The following UNC80 variants were observed in gnomAD, a reference collection of about 807,000 sequenced individuals.
UNC80 encodes the protein unc-80 subunit of NALCN channel complex.
UNC80 carries 164 observed loss-of-function variants against 384.6 expected under a neutral mutation model. That is an observed-to-expected ratio of 0.43 (90% CI 0.38 to 0.49). The LOEUF (loss-of-function observed/expected upper bound fraction) is 0.49. Ranked by LOEUF, UNC80 falls within the 20% of genes least tolerant of loss-of-function variation. The probability of loss-of-function intolerance (pLI) is 0.00; values close to 1 mark genes in which losing one functional copy is unlikely to be tolerated. For missense variants in UNC80, 3,330 were observed against 4,143.0 expected, an observed-to-expected ratio of 0.80 and a Z score of 5.39; for synonymous variants, 1,486 against 1,527.8, an observed-to-expected ratio of 0.97 and a Z score of 0.64.
intron 31 of UNC80, among the ~76,000 whole-genome samples, 196 bp from the exon 32 acceptor site, chr2:209,917,581 T>C (rs2089656300): frequency 6.6e-6 from 1 of 152,220 alleles, no homozygotes; most frequent in Non-Finnish European, 1.5e-5. Flanking sequence ...AATGTCATGT[T>C]GTTGCTGCCC....
At chr2:209,939,733 T>A in intron 43 of UNC80, 81 bp downstream of exon 43, 1 of 1,296,300 alleles carries the variant, frequency 7.7e-7, no homozygotes, top group Non-Finnish European at 1.0e-6. Context: ...ATTATTATTA[T>A]ACTTTAAGTT....
intron 8 of UNC80, among the ~76,000 whole-genome samples, chr2:209,814,538 G>T (rs1026839425): frequency 6.6e-6 from 1 of 152,082 alleles, no homozygotes; most frequent in Non-Finnish European, 1.5e-5. Flanking sequence ...GAGCCACCGC[G>T]CCTGGCCAAC....
intron 22 of UNC80, among the ~76,000 whole-genome samples, chr2:209,853,246 A>G (rs920701267): frequency 6.6e-6 from 1 of 152,144 alleles, no homozygotes; most frequent in Admixed American, 6.6e-5. Flanking sequence ...TGCAGCTTAA[A>G]TACAATTTTT....
intron 4 of UNC80, among the ~76,000 whole-genome samples, chr2:209,778,387 G>A (rs1013835294): frequency 2.0e-5 from 3 of 151,690 alleles, no homozygotes; most frequent in African/African-American, 7.3e-5. Context: ...GTGACAAAGC[G>A]AGACTCTGTC....
At chr2:209,951,742 T>A (rs964353028) in intron 47 of UNC80, among the ~76,000 whole-genome samples, 4 of 152,238 alleles carry the variant, frequency 2.6e-5, no homozygotes, top group Non-Finnish European at 5.9e-5. Flanking sequence ...TAAAGCTTGA[T>A]AGCTTTCAAT....
At chr2:209,805,287 T>G (rs1402588629) in intron 7 of UNC80, among the ~76,000 whole-genome samples, 1 of 152,226 alleles carries the variant, frequency 6.6e-6, no homozygotes, top group Non-Finnish European at 1.5e-5. Context: ...CAGTTCCCAA[T>G]AGTACACTCC....
chr2:209,897,011 CG>C (rs2086864428), intron 28 of UNC80, among the ~76,000 whole-genome samples: 1 of 151,990 alleles, frequency 6.6e-6, no homozygotes, highest in Non-Finnish European at 1.5e-5. Flanking sequence ...AGGACCATCA[CG>C]GGGGTCACCA....
chr2:209,921,501 A>G lies in UNC80; in HGVS notation c.5345A>G (p.Lys1782Arg). ...VQDPINEDQS[K>R]SFSARAVSRS... ...GAACTTGCCTTTATGTCTCCACAGA[A>G]ATCCTTTTCAGCCCGGGCTGTGTCC... The change falls in exon 34 of 65, where the codon AAA becomes AGA. Residue 1782 changes from lysine (K) to arginine (R), a missense_variant and splice_region_variant. Transcript: ENST00000673920. 6.5e-7 allele frequency: 1 copy of G among 1,546,218 alleles called. No homozygotes were observed. Among genetic ancestry groups the G allele is most frequent in the Non-Finnish European group, 8.7e-7 (1 of 1,145,212 alleles).
chr2:209,916,930 T>G (rs777864293), intron 31 of UNC80, among the ~76,000 whole-genome samples: 2 of 152,254 alleles, frequency 1.3e-5, no homozygotes, highest in Admixed American at 6.5e-5. Context: ...CAGGTATTAG[T>G]ATTATCATTA....
At chr2:209,849,671 C>CACTATTA (rs2082385840) in intron 22 of UNC80, 48 bp downstream of exon 22, 2 of 1,526,620 alleles carry the variant, frequency 1.3e-6, no homozygotes, top group Non-Finnish European at 8.9e-7. Flanking sequence ...TCCCAAGTAG[C>CACTATTA]ACTATTAACA....
intron 20 of UNC80, among the ~76,000 whole-genome samples, 193 bp downstream of exon 20, chr2:209,840,841 A>G (rs2081684794): frequency 6.6e-6 from 1 of 152,224 alleles, no homozygotes; most frequent in Non-Finnish European, 1.5e-5. Context: ...ATAGGAAGGG[A>G]AAAAGAAAAG....
chr2:209,824,668 AG>A (rs984831133), intron 13 of UNC80, among the ~76,000 whole-genome samples: 15 of 152,088 alleles, frequency 9.9e-5, no homozygotes, highest in African/African-American at 3.6e-4. Flanking sequence ...TGCAGTGCCA[AG>A]GGGAATATCT....
intron 7 of UNC80, among the ~76,000 whole-genome samples, chr2:209,811,105 T>C (rs1258631769): frequency 6.6e-6 from 1 of 152,126 alleles, no homozygotes; most frequent in African/African-American, 2.4e-5. Flanking sequence ...ATCAAAGTTT[T>C]TAGTTTCCTT....
At chr2:209,777,149 T>C (rs2076913583) in intron 3 of UNC80, 109 bp from the exon 4 acceptor site, 3 of 1,255,832 alleles carry the variant, frequency 2.4e-6, no homozygotes, top group Non-Finnish European at 3.3e-6. Context: ...TAGCAGTGGT[T>C]GTAAGAAGTA....
chr2:209,957,023 CA>C (rs2092443930), intron 48 of UNC80, among the ~76,000 whole-genome samples: 1 of 152,100 alleles, frequency 6.6e-6, no homozygotes, highest in South Asian at 2.1e-4. Context: ...TCCTAGATGC[CA>C]ATACAGAGGC....
At chr2:209,879,161 A>G (rs2085053564) in intron 24 of UNC80, among the ~76,000 whole-genome samples, 1 of 152,154 alleles carries the variant, frequency 6.6e-6, no homozygotes, top group Non-Finnish European at 1.5e-5. Flanking sequence ...CAACCTAATA[A>G]TGAAGGTTGG....
chr2:209,836,791 T>C (rs949284947), intron 18 of UNC80, among the ~76,000 whole-genome samples: 1 of 152,212 alleles, frequency 6.6e-6, no homozygotes, highest in African/African-American at 2.4e-5. Context: ...CTGTGTCCTC[T>C]TCCTTCTTAA....
At chr2:209,775,306 C>G (rs1398122696) in intron 2 of UNC80, among the ~76,000 whole-genome samples, 1 of 151,584 alleles carries the variant, frequency 6.6e-6, no homozygotes, top group South Asian at 2.1e-4. Context: ...CTCTCCCTTC[C>G]TTTCTTTCTT....
intron 61 of UNC80, among the ~76,000 whole-genome samples, chr2:209,987,319 G>A (rs1006114443): frequency 6.6e-6 from 1 of 151,982 alleles, no homozygotes; most frequent in African/African-American, 2.4e-5. Context: ...TTTTTTAAAT[G>A]TGCTAACTGG....
Sources: gnomAD v4.1 joint callset for allele counts (sites outside exome capture counted in the v4.1 genomes callset) on GRCh38, gnomAD v4.1.1 for gene constraint, MANE v1.5 for transcripts, NCBI Gene and HGNC (gene_info 2026-07-23, HGNC 2026-07-21) for gene names.